The following TYW3 variants were observed in gnomAD, a reference collection of about 807,000 sequenced individuals.
The protein encoded by TYW3 is tRNA-yW synthesizing protein 3 homolog, also known as tRNA wybutosine-synthesizing protein 3 homolog.
Under a neutral mutation model 23.1 loss-of-function variants are expected in TYW3, and 26 were observed. That is an observed-to-expected ratio of 1.13 (90% CI 0.83 to 1.56). The LOEUF is 1.56. Ranked by LOEUF, TYW3 falls within the 40% of genes most tolerant of loss-of-function variation. The pLI is 0.00. For missense variants in TYW3, 316 were observed against 311.9 expected, an observed-to-expected ratio of 1.01 and a Z score of -0.10; for synonymous variants, 102 against 105.7, an observed-to-expected ratio of 0.97 and a Z score of 0.21.
intron 3 of TYW3, among the ~76,000 whole-genome samples, chr1:74,748,337 T>G (rs1303367968): frequency 6.6e-6 from 1 of 152,258 alleles, no homozygotes; most frequent in Admixed American, 6.5e-5. Context: ...TATGCTTTCT[T>G]ATATCATTTC....
At chr1:74,743,028 C>T (rs1232305033) in intron 3 of TYW3, among the ~76,000 whole-genome samples, 1 of 152,150 alleles carries the variant, frequency 6.6e-6, no homozygotes, top group Non-Finnish European at 1.5e-5. Flanking sequence ...GCCCCCGGCA[C>T]CCTGAGTCCT....
intron 3 of TYW3, 101 bp from the exon 4 acceptor site, chr1:74,748,650 A>C (rs982569359): frequency 1.2e-5 from 15 of 1,232,982 alleles, no homozygotes; most frequent in African/African-American, 1.5e-5. Context: ...TAAAAACCTT[A>C]ATAGCTTTTA....
rs931011351 is a variant in TYW3, at chr1:74,738,303, G to C, written c.256-387G>C. 3.3e-5 allele frequency among the ~76,000 whole-genome samples: 5 copies of C among 152,110 alleles called. No individual in the cohort carries two copies. The South Asian group carries it at 1.0e-3, about 31-fold the overall frequency. On this transcript the variant is annotated intron_variant, in intron 2 of 5. Coordinates refer to ENST00000370867, the MANE Select transcript of TYW3 (RefSeq NM_138467.3). ...GGAACATGGGTGGCAGTTAGGCTTTGTTTGGACCCTTCTCTCACATTACAT... is the reference window on the plus strand; with the variant it reads ...GGAACATGGGTGGCAGTTAGGCTTTCTTTGGACCCTTCTCTCACATTACAT...
chr1:74,736,933 C>A (rs1174288670), intron 2 of TYW3, among the ~76,000 whole-genome samples: 1 of 152,178 alleles, frequency 6.6e-6, no homozygotes, highest in Non-Finnish European at 1.5e-5. Flanking sequence ...TAACCTAGAA[C>A]AAATTATGGA....
intron 4 of TYW3, chr1:74,751,127 T>A (rs988625408): frequency 2.0e-5 from 3 of 152,220 alleles, no homozygotes; most frequent in Non-Finnish European, 4.4e-5. Context: ...TTAATTTTTA[T>A]GTCTGGTGAA....
chr1:74,757,810 TTCTCATGATTGTAAG>T (rs1427297827), intron 5 of TYW3, among the ~76,000 whole-genome samples: 1 of 152,202 alleles, frequency 6.6e-6, no homozygotes, highest in Non-Finnish European at 1.5e-5. Flanking sequence ...TCCTGTGGTG[TTCTCATGATTGTAAG>T]TCTCATGAGA....
At chr1:74,747,736 TAC>T (rs201156297) in intron 3 of TYW3, among the ~76,000 whole-genome samples, 206 of 151,014 alleles carry the variant, frequency 1.4e-3, no homozygotes, top group African/African-American at 4.7e-3. Flanking sequence ...TACACATATA[TAC>T]ACACACATAT....
chr1:74,753,001 C>T (rs1398726748), intron 5 of TYW3, among the ~76,000 whole-genome samples: 1 of 152,144 alleles, frequency 6.6e-6, no homozygotes, highest in Non-Finnish European at 1.5e-5. Flanking sequence ...TCATCGTTAC[C>T]TCCTGGCAAA....
intron 3 of TYW3, among the ~76,000 whole-genome samples, chr1:74,741,538 G>A (rs1648362896): frequency 6.6e-6 from 1 of 152,190 alleles, no homozygotes; most frequent in Non-Finnish European, 1.5e-5. Flanking sequence ...TAGATGGGGA[G>A]GTAGAGGGGA....
At position 74,743,302 on chromosome 1, in the gene TYW3, G is replaced by A. The variant is rs185360132; in HGVS notation, c.354+4514G>A. On this transcript the variant is annotated intron_variant, in intron 3 of 5. Transcript: ENST00000370867. ...CATGACTAAGTCTGCAGCCTTTCTC[G>A]GATCTCGCTTTTCCTTTTGGGCCTG... 1.9e-3 allele frequency among the ~76,000 whole-genome samples: 295 copies of A among 152,134 alleles called. 3 individuals carry two copies. The highest frequency in any genetic ancestry group is 6.7e-3 in the African/African-American group (279 of 41,492).
intron 4 of TYW3, 46 bp from the exon 5 acceptor site, chr1:74,752,246 T>C: frequency 6.5e-7 from 1 of 1,539,730 alleles, no homozygotes; most frequent in South Asian, 1.3e-5. Flanking sequence ...ATTTTCAGTT[T>C]CTGTGGTATC....
chr1:74,747,026 G>T (rs1242483163), intron 3 of TYW3, among the ~76,000 whole-genome samples: 4 of 152,192 alleles, frequency 2.6e-5, no homozygotes, highest in Non-Finnish European at 2.9e-5. Flanking sequence ...AAATAGCAAG[G>T]GCTGGAGCAA....
chr1:74,742,494 C>A lies in TYW3; in HGVS notation c.354+3706C>A, dbSNP rs1364769401. ...TCGGTTGGGGAATACTGGAGCTTAA[C>A]CTCTTGGAGGGGGTTGTTCCATACC... On this transcript the variant is annotated intron_variant, in intron 3 of 5. Transcript: ENST00000370867. Among the ~76,000 whole-genome samples the A allele has an allele frequency of 3.3e-5, 5 of 152,190 alleles. No homozygotes were observed. In the East Asian group the frequency reaches 9.6e-4, roughly 29 times the overall value.
At position 74,752,431 on chromosome 1, in the gene TYW3, T is replaced by G; in HGVS notation, c.560+6T>G. 6.2e-7 allele frequency: 1 copy of G among 1,611,870 alleles called. No homozygotes were observed. Among genetic ancestry groups the G allele is most frequent in the Non-Finnish European group, 8.5e-7 (1 of 1,178,824 alleles). On this transcript the variant is annotated splice_donor_region_variant and intron_variant, in intron 5 of 5. Coordinates refer to ENST00000370867, the MANE Select transcript of TYW3 (RefSeq NM_138467.3). The stretch of plus-strand genomic sequence containing the variant: ...AACAAGAAAAGAATTGAGAGGTATA[T>G]TAATTGGGTATTTCCATGTTATTCT...
chr1:74,738,108 A>G (rs906481006), intron 2 of TYW3, among the ~76,000 whole-genome samples: 3 of 96,872 alleles, frequency 3.1e-5, no homozygotes, highest in African/African-American at 4.4e-5. Context: ...GTGAACAGGG[A>G]AAAAAAAACA....
rs2100763844 is a variant in TYW3 at position 74,746,748 on chromosome 1, AG to A, written c.355-2001del. The stretch of plus-strand genomic sequence containing the variant: ...AGTCAGGGGAGAGCTGCATTTAAAG[AG>A]GTGGTTAAAGAAGGCCTTTATTCGA... On this transcript the variant is annotated intron_variant, in intron 3 of 5. Coordinates refer to ENST00000370867, the MANE Select transcript of TYW3 (RefSeq NM_138467.3). Among the ~76,000 whole-genome samples the A allele has an allele frequency of 1.3e-5, 2 of 152,296 alleles. 1 individual carries two copies. The highest frequency in any genetic ancestry group is 4.1e-4 in the South Asian group (2 of 4,830).
intron 4 of TYW3, chr1:74,751,568 G>C (rs949703264): frequency 1.3e-5 from 2 of 152,330 alleles, no homozygotes; most frequent in African/African-American, 4.8e-5. Flanking sequence ...TACTCTGGAG[G>C]CTGAGGCAGG....
At chr1:74,735,260 C>G (rs1648109697) in intron 1 of TYW3, among the ~76,000 whole-genome samples, 1 of 152,168 alleles carries the variant, frequency 6.6e-6, no homozygotes, top group Non-Finnish European at 1.5e-5. Context: ...TTTTCTTCAT[C>G]TTTAGCTAGT....
intron 2 of TYW3, among the ~76,000 whole-genome samples, chr1:74,737,997 A>G (rs1478034835): frequency 6.6e-6 from 1 of 152,184 alleles, no homozygotes; most frequent in African/African-American, 2.4e-5. Flanking sequence ...AGGGTCTGAA[A>G]TACAGAAAGC....
Sources: allele counts gnomAD v4.1 joint callset (sites outside exome capture counted in the v4.1 genomes callset), GRCh38; gene constraint gnomAD v4.1.1; transcripts MANE v1.5; gene names NCBI Gene and HGNC (gene_info 2026-07-23, HGNC 2026-07-21).